ABTB3: variants seen among roughly 807,000 people sequenced by gnomAD.
ABTB3 encodes ankyrin repeat- and BTB/POZ domain-containing protein 3.
chr12:107,416,000 G>C, the ABTB3 span, among the ~76,000 whole-genome samples: 3 of 152,100 alleles, frequency 2.0e-5, no homozygotes, highest in Non-Finnish European at 2.9e-5. Context: ...GGCATTTTAC[G>C]CTCTGTTTCA....
the ABTB3 span, among the ~76,000 whole-genome samples, chr12:107,558,250 T>C: frequency 6.6e-6 from 1 of 152,194 alleles, no homozygotes; most frequent in Non-Finnish European, 1.5e-5. Flanking sequence ...TGCAGCTGTT[T>C]AACCAGTTAT....
At chr12:107,436,485 G>A in the ABTB3 span, among the ~76,000 whole-genome samples, 1 of 152,228 alleles carries the variant, frequency 6.6e-6, no homozygotes, top group Non-Finnish European at 1.5e-5. Context: ...CCACTTCTGT[G>A]GGAGGCAGGC....
the ABTB3 span, among the ~76,000 whole-genome samples, chr12:107,628,053 C>T: frequency 6.6e-6 from 1 of 152,152 alleles, no homozygotes; most frequent in Non-Finnish European, 1.5e-5. Flanking sequence ...CACCCTCCAC[C>T]TGCCTCCACC....
chr12:107,633,036 A>T, the ABTB3 span, among the ~76,000 whole-genome samples: 1 of 152,046 alleles, frequency 6.6e-6, no homozygotes, highest in Non-Finnish European at 1.5e-5. Flanking sequence ...TCATGTGATT[A>T]CTTTGGGCTC....
chr12:107,544,130 A>G, the ABTB3 span: 1 of 1,613,782 alleles, frequency 6.2e-7, no homozygotes, highest in African/African-American at 1.3e-5. Flanking sequence ...GTCAACCTCC[A>G]GGTGGAAAGG....
chr12:107,493,049 C>T, the ABTB3 span, among the ~76,000 whole-genome samples: 10 of 149,624 alleles, frequency 6.7e-5, no homozygotes, highest in East Asian at 2.0e-4. Flanking sequence ...AAGAGCAGAA[C>T]GAAGCTTCCC....
chr12:107,529,445 A>G, the ABTB3 span, among the ~76,000 whole-genome samples: 1 of 152,012 alleles, frequency 6.6e-6, no homozygotes, highest in South Asian at 2.1e-4. Flanking sequence ...CATGATGGCA[A>G]TGATGATGGT....
At chr12:107,562,761 G>A in the ABTB3 span, among the ~76,000 whole-genome samples, 2 of 152,202 alleles carry the variant, frequency 1.3e-5, no homozygotes, top group African/African-American at 2.4e-5. Context: ...TGCTCTCCTT[G>A]CCTACAAACA....
At chr12:107,344,782 A>G in the ABTB3 span, among the ~76,000 whole-genome samples, 4 of 152,258 alleles carry the variant, frequency 2.6e-5, no homozygotes, top group Non-Finnish European at 5.9e-5. Context: ...GATAATAAAC[A>G]TAATCTTGAG....
the ABTB3 span, among the ~76,000 whole-genome samples, chr12:107,351,914 G>T: frequency 1.4e-4 from 21 of 152,262 alleles, no homozygotes; most frequent in South Asian, 4.4e-3. Context: ...GATGAGTCAG[G>T]CTGAGGTAGG....
At chr12:107,368,529 G>A in the ABTB3 span, among the ~76,000 whole-genome samples, 10 of 151,320 alleles carry the variant, frequency 6.6e-5, no homozygotes, top group East Asian at 1.9e-4. Flanking sequence ...CCCCAGTACC[G>A]TGAACAATAA....
the ABTB3 span, among the ~76,000 whole-genome samples, chr12:107,389,450 G>T: frequency 6.6e-6 from 1 of 151,362 alleles, no homozygotes; most frequent in African/African-American, 2.4e-5. Context: ...GATAGAGCCG[G>T]ACAGTCTGAC....
the ABTB3 span, among the ~76,000 whole-genome samples, chr12:107,418,621 G>A: frequency 2.0e-5 from 3 of 152,146 alleles, no homozygotes; most frequent in African/African-American, 4.8e-5. Flanking sequence ...TGTGAGCATC[G>A]TGAGAACAGC....
chr12:107,380,465 A>G, the ABTB3 span, among the ~76,000 whole-genome samples: 2 of 152,176 alleles, frequency 1.3e-5, no homozygotes, highest in Non-Finnish European at 2.9e-5. Context: ...GTCAGGGAAC[A>G]GGCTGAGTGA....
the ABTB3 span, among the ~76,000 whole-genome samples, chr12:107,513,796 C>A: frequency 6.6e-6 from 1 of 152,320 alleles, no homozygotes; most frequent in African/African-American, 2.4e-5. Context: ...TGGGAGGCAG[C>A]AATGCACCCT....
chr12:107,641,849 C>T, the ABTB3 span, among the ~76,000 whole-genome samples: 1 of 152,206 alleles, frequency 6.6e-6, no homozygotes, highest in Non-Finnish European at 1.5e-5. Flanking sequence ...TTCCAATCAC[C>T]AGTTGGAGAA....
the ABTB3 span, among the ~76,000 whole-genome samples, chr12:107,347,066 A>T: frequency 6.6e-6 from 1 of 152,178 alleles, no homozygotes; most frequent in African/African-American, 2.4e-5. Flanking sequence ...AGCAGCATAT[A>T]TTATTCTGCA....
At chr12:107,643,437 G>C in the ABTB3 span, among the ~76,000 whole-genome samples, 1 of 138,626 alleles carries the variant, frequency 7.2e-6, no homozygotes, top group African/African-American at 2.6e-5. Flanking sequence ...GGTTTCCAAA[G>C]ATAAGATAAG....
chr12:107,339,244 C>T, the ABTB3 span, among the ~76,000 whole-genome samples: 1 of 152,146 alleles, frequency 6.6e-6, no homozygotes, highest in Non-Finnish European at 1.5e-5. Flanking sequence ...CAAGCTCTTT[C>T]TGAAGGAAAA....
Sources: allele counts gnomAD v4.1 joint callset (sites outside exome capture counted in the v4.1 genomes callset), GRCh38; gene constraint gnomAD v4.1.1; transcripts MANE v1.5; gene names NCBI Gene and HGNC (gene_info 2026-07-23, HGNC 2026-07-21).